The following DSP variants were observed in gnomAD, a reference collection of about 807,000 sequenced individuals.
DSP encodes desmoplakin.
A neutral mutation model predicts 290.6 loss-of-function variants in DSP; 114 were observed. The observed-to-expected ratio is 0.39, with a 90% confidence interval of 0.34 to 0.46. The LOEUF (loss-of-function observed/expected upper bound fraction) is 0.46. Ranked by LOEUF, DSP falls within the 20% of genes least tolerant of loss-of-function variation. The pLI is 0.99. For missense variants in DSP, 3,230 were observed against 3,495.8 expected (o/e 0.92, Z 1.92); for synonymous variants, 1,311 against 1,316.4 (o/e 1.00, Z 0.09).
chr6:7,547,600 AAT>A (rs1001377262), intron 1 of DSP, among the ~76,000 whole-genome samples: 8 of 133,110 alleles, frequency 6.0e-5, no homozygotes, highest in Non-Finnish European at 1.2e-4. Flanking sequence ...AACTAATTAA[AAT>A]TTTTTTTTTT....
rs372909009 is a variant in DSP at position 7,585,653 on chromosome 6, C to T, written c.8391C>T (p.Ile2797=). The change falls in exon 24 of 24, where the codon ATC becomes ATT. Residue 2797 remains isoleucine (I), a synonymous_variant. Transcript: ENST00000379802. The part of the protein sequence containing the change: ...DAINRSMVED[I]TGLRLLEAAS... ...TAAATCGCTCCATGGTAGAAGATAT[C>T]ACTGGGCTGCGCCTTCTGGAAGCCG... 1.9e-6 allele frequency: 3 copies of T among 1,614,114 alleles called. No individual in the cohort carries two copies. The highest frequency in any genetic ancestry group is 1.7e-5 in the Admixed American group (1 of 60,012).
At chr6:7,563,640 G>A (rs1331688958) in intron 5 of DSP, 96 bp from the exon 6 acceptor site, 2 of 965,880 alleles carry the variant, frequency 2.1e-6, no homozygotes, top group Admixed American at 1.7e-5. Context: ...AGGGATCTGA[G>A]GCCAGTATCT....
chr6:7,571,856 A>G lies in DSP; in HGVS notation c.1918A>G (p.Ile640Val). Reference sequence around the variant, plus strand: ...TCTTTTTACAGTGACCACAACTGAAATCACTCATCATGGAACCTGCCAAGA... The same window carrying G: ...TCTTTTTACAGTGACCACAACTGAAGTCACTCATCATGGAACCTGCCAAGA... ...PQHQTVTTTEITHHGTCQDVN... is the reference protein window; with the variant it reads ...PQHQTVTTTEVTHHGTCQDVN... The change falls in exon 15 of 24, where the codon ATC becomes GTC. Residue 640 changes from isoleucine to valine, a missense_variant. Physicochemically the swap from Ile to Val is conservative, Grantham distance 29. Transcript: ENST00000379802. The G allele has an allele frequency of 6.2e-7, 1 of 1,612,910 alleles. No individual in the cohort carries two copies.
At chr6:7,558,077 G>T in intron 2 of DSP, 39 bp from the exon 3 acceptor site, 1 of 1,613,530 alleles carries the variant, frequency 6.2e-7, no homozygotes, top group Non-Finnish European at 8.5e-7. Context: ...TTTCTTCCTG[G>T]TAGTATGTGT....
chr6:7,553,342 G>A (rs1316248231), intron 1 of DSP, among the ~76,000 whole-genome samples: 2 of 152,162 alleles, frequency 1.3e-5, no homozygotes, highest in African/African-American at 4.8e-5. Context: ...TTTCCATTGT[G>A]CTAAGAGACA....
intron 18 of DSP, 92 bp from the exon 19 acceptor site, chr6:7,576,201 TG>T (rs1341037966): frequency 7.3e-7 from 1 of 1,373,002 alleles, no homozygotes; most frequent in Non-Finnish European, 1.0e-6. Flanking sequence ...TCAGTTTTCT[TG>T]GGTATATATC....
rs1173680775 is a variant in DSP at position 7,580,731 on chromosome 6, T to A, written c.4541T>A (p.Leu1514Gln). Reference protein sequence around the residue: ...NARLQRVQYDLQKANSSATET... With the variant: ...NARLQRVQYDQQKANSSATET... The stretch of plus-strand genomic sequence containing the variant: ...AGATTACAAAGGGTCCAGTATGACC[T>A]GCAGAAAGCAAACAGTAGTGCGACG... Residue 1514 changes from leucine (L) to glutamine (Q), a missense_variant, in exon 23 of 24, where the codon CTG becomes CAG. Transcript: ENST00000379802. This position sits in a 1 kb window ranked among gnomAD's most constrained non-coding sequence, Gnocchi z 4.2. 6.2e-7 allele frequency: 1 copy of A among 1,614,030 alleles called. No homozygotes were observed. The highest frequency in any genetic ancestry group is 8.5e-7 in the Non-Finnish European group (1 of 1,179,960).
intron 6 of DSP, among the ~76,000 whole-genome samples, chr6:7,564,683 A>G (rs927373520): frequency 6.6e-6 from 1 of 152,210 alleles, no homozygotes; most frequent in Non-Finnish European, 1.5e-5. Flanking sequence ...AATATTTGTA[A>G]TGTTCCCAAC....
In DSP at chr6:7,565,251, C is replaced by A; in HGVS notation, c.778-108C>A. On this transcript the variant is annotated intron_variant, in intron 6 of 23. Coordinates refer to ENST00000379802, the MANE Select transcript of DSP (RefSeq NM_004415.4). This position sits in a 1 kb window ranked among gnomAD's most constrained non-coding sequence, Gnocchi z 4.2. Reference sequence around the variant, plus strand: ...GCACAAGGTTAACATTTTTCCTATCCGTGTGATTTTTTTTTTAAAGGGACC... The same window carrying A: ...GCACAAGGTTAACATTTTTCCTATCAGTGTGATTTTTTTTTTAAAGGGACC... 2.2e-6 allele frequency: 3 copies of A among 1,353,930 alleles called. No individual in the cohort carries two copies. The highest frequency in any genetic ancestry group is 3.1e-6 in the Non-Finnish European group (3 of 974,416). The allele number at this position is 1,353,930 out of a possible 1,614,324, so 83.9% of individuals were successfully genotyped here. A position where few individuals can be genotyped will look rare whatever the true frequency, so the allele number is the denominator to read the frequency against.
At position 7,569,253 on chromosome 6, in the gene DSP, C is replaced by T. The variant is rs374283517; in HGVS notation, c.1487C>T (p.Thr496Met). ...DNNERSKWYV[T>M]GPGGVDMLVP... is the part of the protein sequence containing the mutation. Reference sequence around the variant, plus strand: ...AACGAGCGCAGCAAGTGGTACGTGACGGGCCCGGGAGGCGTTGACATGCTT... The same window carrying T: ...AACGAGCGCAGCAAGTGGTACGTGATGGGCCCGGGAGGCGTTGACATGCTT... Residue 496 changes from threonine to methionine, a missense_variant, in exon 12 of 24, where the codon ACG (threonine) becomes ATG (methionine). By Grantham distance (81) the Thr-to-Met change is moderately conservative. Around this residue, in one of 5 missense-constraint regions of DSP, gnomAD observed 646 missense variants for 684.3 expected, o/e 0.94. Coordinates refer to ENST00000379802, the MANE Select transcript of DSP (RefSeq NM_004415.4). 1.9e-5 allele frequency: 31 copies of T among 1,614,148 alleles called. No homozygotes were observed. The highest frequency in any genetic ancestry group is 6.7e-5 in the East Asian group (3 of 44,878).
chr6:7,547,018 G>A (rs1758188602), intron 1 of DSP, among the ~76,000 whole-genome samples: 1 of 152,168 alleles, frequency 6.6e-6, no homozygotes, highest in Non-Finnish European at 1.5e-5. Flanking sequence ...GACTTGGAGA[G>A]TGTGTCTTGA....
intron 13 of DSP, among the ~76,000 whole-genome samples, chr6:7,570,922 A>T (rs1376448484): frequency 6.6e-6 from 1 of 152,308 alleles, no homozygotes; most frequent in East Asian, 1.9e-4. Flanking sequence ...AAGGTGGGAT[A>T]GAATTCTTGG....
chr6:7,577,050 G>A lies in DSP; in HGVS notation c.2877+8G>A. ...TGCGCCAATTCAATTAAGGTATGTTGGTTTCATAAAGAATGTTGGTATTTC... is the reference window on the plus strand; with the variant it reads ...TGCGCCAATTCAATTAAGGTATGTTAGTTTCATAAAGAATGTTGGTATTTC... On this transcript the variant is annotated splice_region_variant and intron_variant, in intron 20 of 23. Transcript: ENST00000379802. 6.2e-7 allele frequency: 1 copy of A among 1,600,340 alleles called. No individual in the cohort carries two copies. The highest frequency in any genetic ancestry group is 1.1e-5 in the South Asian group (1 of 88,832).
At position 7,565,574 on chromosome 6, in the gene DSP, G is replaced by C. The variant is rs1758837514; in HGVS notation, c.939+54G>C. 6.2e-7 allele frequency: 1 copy of C among 1,606,886 alleles called. No homozygotes were observed. On this transcript the variant is annotated intron_variant, in intron 7 of 23. Transcript: ENST00000379802. This position sits in a 1 kb window ranked among gnomAD's most constrained non-coding sequence, Gnocchi z 4.2. ...CTTGTCTTGAGCCTGTTGCCTTGAA[G>C]AGCTGGGGTCTCGGGGAATGATTGG... is the stretch of plus-strand genomic sequence containing the variant.
At position 7,582,471 on chromosome 6, in the gene DSP, C is replaced by T. The variant is rs545999918; in HGVS notation, c.5380-171C>T. Among the ~76,000 whole-genome samples, 37 of 150,542 alleles carry T rather than the reference C, an allele frequency of 2.5e-4. No individual in the cohort carries two copies. Among genetic ancestry groups the T allele is most frequent in the Middle Eastern group, 3.4e-3 (1 of 292 alleles). On this transcript the variant is annotated intron_variant, in intron 23 of 23. Transcript: ENST00000379802. The surrounding 1 kb of genome is among the most constrained non-coding windows in gnomAD (Gnocchi z 4.2). ...GGCAACATATACAGAATTTTTCCCACAAATTTGTAAAATAACAAGCTCACA... is the reference window on the plus strand; with the variant it reads ...GGCAACATATACAGAATTTTTCCCATAAATTTGTAAAATAACAAGCTCACA...
intron 1 of DSP, among the ~76,000 whole-genome samples, chr6:7,542,809 A>T (rs966704056): frequency 2.6e-5 from 4 of 152,170 alleles, no homozygotes; most frequent in Non-Finnish European, 5.9e-5. Context: ...GGGCGAGCGC[A>T]CCTGGGGCCC....
chr6:7,581,522 G>A lies in DSP; in HGVS notation c.5332G>A (p.Glu1778Lys). Reference protein sequence around the residue: ...GLINDLQRERENLRQEIEKFQ... With the variant: ...GLINDLQRERKNLRQEIEKFQ... ...GATTAATGATTTACAGAGAGAGAGG[G>A]AAAATTTGAGACAGGAAATTGAGAA... The change falls in exon 23 of 24, where the codon GAA becomes AAA. Residue 1778 changes from glutamate to lysine, a missense_variant. Glu to Lys is a moderately conservative substitution (Grantham distance 56, BLOSUM62 1). Transcript: ENST00000379802. 6.2e-7 allele frequency: 1 copy of A among 1,614,064 alleles called. No homozygotes were observed. The highest frequency in any genetic ancestry group is 8.5e-7 in the Non-Finnish European group (1 of 1,180,022).
chr6:7,585,556 A>G lies in DSP; in HGVS notation c.8294A>G (p.Gln2765Arg). Residue 2765 changes from glutamine to arginine, a missense_variant, in exon 24 of 24, where the codon CAA becomes CGA. Around this residue, in one of 5 missense-constraint regions of DSP, gnomAD observed 582 missense variants for 555.4 expected, o/e 1.05. Transcript: ENST00000379802. The stretch of plus-strand genomic sequence containing the variant: ...GATGGCCGCGCCGCACAGAGGCTGC[A>G]AGACACCAGCAGCTATGCCAAAATC... ...FIDGRAAQRL[Q>R]DTSSYAKILT... 4.3e-6 allele frequency: 7 copies of G among 1,614,198 alleles called. No homozygotes were observed. The highest frequency in any genetic ancestry group is 5.1e-6 in the Non-Finnish European group (6 of 1,180,024).
intron 16 of DSP, 53 bp from the exon 17 acceptor site, chr6:7,574,604 C>T (rs1759173493): frequency 1.2e-6 from 2 of 1,612,988 alleles, no homozygotes; most frequent in African/African-American, 1.3e-5. Flanking sequence ...GGCAAATCTT[C>T]ACAGACTAAT....
Sources: gnomAD v4.1 joint callset for allele counts (sites outside exome capture counted in the v4.1 genomes callset) on GRCh38, gnomAD v4.1.1 for gene constraint, gnomAD v4.1.1 regional missense constraint, Gnocchi (gnomAD v3.1) non-coding constraint, MANE v1.5 for transcripts, NCBI Gene and HGNC (gene_info 2026-07-23, HGNC 2026-07-21) for gene names.